Variants in BABAM2 observed in about 807,000 individuals in gnomAD.
The protein encoded by BABAM2 is BRISC and BRCA1 A complex member 2, also known as BRISC and BRCA1-A complex member 2.
Under a neutral mutation model 54.7 loss-of-function variants are expected in BABAM2, and 31 were observed. The ratio of observed to expected loss-of-function variants is 0.57; its 90% CI spans 0.43 to 0.77. BABAM2 has a LOEUF of 0.77. Among genes scored for constraint, BABAM2 ranks in the 30% least tolerant of loss-of-function variants. The pLI is 0.00. For missense variants in BABAM2, 364 were observed against 455.8 expected, an observed-to-expected ratio of 0.80 and a Z score of 1.83; for synonymous variants, 167 against 162.9, an observed-to-expected ratio of 1.03 and a Z score of -0.19.
intron 6 of BABAM2, among the ~76,000 whole-genome samples, chr2:28,066,629 T>A (rs138436334): frequency 1.5e-3 from 236 of 152,312 alleles, no homozygotes; most frequent in African/African-American, 5.3e-3. Context: ...GGCTGGAGGA[T>A]GCACTTCCAA....
intron 7 of BABAM2, among the ~76,000 whole-genome samples, chr2:28,224,851 CAAAAAAA>C (rs754146418): frequency 7.3e-4 from 61 of 83,920 alleles, no homozygotes; most frequent in South Asian, 1.9e-3. Context: ...GGTAAATTGA[CAAAAAAA>C]AAAAAAAAAA....
chr2:28,058,484 G>A (rs1678605070), intron 6 of BABAM2, among the ~76,000 whole-genome samples: 1 of 151,810 alleles, frequency 6.6e-6, no homozygotes, highest in Non-Finnish European at 1.5e-5. Flanking sequence ...AGGGCTCAAG[G>A]TGATAGAAAA....
chr2:28,175,013 T>C (rs1674766240), intron 7 of BABAM2, among the ~76,000 whole-genome samples: 1 of 152,018 alleles, frequency 6.6e-6, no homozygotes, highest in Non-Finnish European at 1.5e-5. Context: ...AATGCATGCT[T>C]CCCAGAGCCC....
At chr2:27,903,889 T>G (rs1024400438) in intron 2 of BABAM2, among the ~76,000 whole-genome samples, 2 of 152,166 alleles carry the variant, frequency 1.3e-5, no homozygotes, top group Non-Finnish European at 2.9e-5. Flanking sequence ...GTCAAGAACA[T>G]TTACCTTTTT....
At chr2:28,168,472 T>C (rs1308153949) in intron 7 of BABAM2, among the ~76,000 whole-genome samples, 1 of 152,184 alleles carries the variant, frequency 6.6e-6, no homozygotes, top group African/African-American at 2.4e-5. Flanking sequence ...ATCTGCTTTG[T>C]ATGGGCTGTG....
chr2:28,249,956 A>G (rs912935233), intron 10 of BABAM2, among the ~76,000 whole-genome samples: 2 of 152,214 alleles, frequency 1.3e-5, no homozygotes, highest in Admixed American at 6.5e-5. Flanking sequence ...AATGAAGTCT[A>G]ATGAGAAAAA....
At chr2:28,274,742 T>G (rs933408069) in intron 10 of BABAM2, among the ~76,000 whole-genome samples, 1 of 152,244 alleles carries the variant, frequency 6.6e-6, no homozygotes, top group African/African-American at 2.4e-5. Context: ...ATGGGAGAGC[T>G]GAGTGGTCAG....
intron 7 of BABAM2, among the ~76,000 whole-genome samples, chr2:28,161,494 C>T (rs1016417796): frequency 3.3e-5 from 5 of 152,146 alleles, no homozygotes; most frequent in Non-Finnish European, 7.3e-5. Context: ...TTTTCAGAGT[C>T]TCTGGTTTGG....
intron 3 of BABAM2, among the ~76,000 whole-genome samples, chr2:27,981,787 T>C (rs1406143465): frequency 1.3e-5 from 2 of 152,188 alleles, no homozygotes; most frequent in African/African-American, 4.8e-5. Context: ...TTTCCACTTT[T>C]TGGCGATTGT....
intron 3 of BABAM2, among the ~76,000 whole-genome samples, chr2:27,982,858 C>T (rs1183801704): frequency 4.6e-5 from 7 of 151,450 alleles, no homozygotes; most frequent in Admixed American, 1.3e-4. Context: ...CACACACACA[C>T]ACACACACAC....
chr2:27,890,593 T>A (rs571058235), upstream of BABAM2: 2 of 475,852 alleles, frequency 4.2e-6, no homozygotes, highest in Non-Finnish European at 3.8e-6. This position sits in a 1 kb window ranked among gnomAD's most constrained non-coding sequence, Gnocchi z 4.8. Context: ...TCCTCGTCAC[T>A]CACGGGGCAG....
intron 5 of BABAM2, among the ~76,000 whole-genome samples, chr2:28,029,649 C>T (rs1676154666): frequency 6.6e-6 from 1 of 152,126 alleles, no homozygotes; most frequent in African/African-American, 2.4e-5. Flanking sequence ...GTGAATCATG[C>T]TACATTGAAC....
rs983194600 is a variant in BABAM2 at position 28,011,264 on chromosome 2, G to A, written c.301-13962G>A. Reference sequence around the variant, plus strand: ...AGAGGTAGAGTTTTTAGGGAGAAGAGTAAAGACATTGAAAGCTCTTTAGTA... The same window carrying A: ...AGAGGTAGAGTTTTTAGGGAGAAGAATAAAGACATTGAAAGCTCTTTAGTA... On this transcript the variant is annotated intron_variant, in intron 4 of 11. Coordinates refer to ENST00000379624, the MANE Select transcript of BABAM2 (RefSeq NM_199191.3). Among the ~76,000 whole-genome samples the A allele has an allele frequency of 5.9e-5, 9 of 152,208 alleles. No homozygotes were observed. The East Asian group carries it at 1.7e-3, about 29-fold the overall frequency.
At chr2:28,062,155 G>T (rs1009043109) in intron 6 of BABAM2, among the ~76,000 whole-genome samples, 12 of 152,028 alleles carry the variant, frequency 7.9e-5, no homozygotes, top group Non-Finnish European at 1.3e-4. Flanking sequence ...CTACTTGGCA[G>T]GCTGAGGCAG....
intron 5 of BABAM2, among the ~76,000 whole-genome samples, chr2:28,041,311 T>G (rs2148601805): frequency 6.6e-6 from 1 of 152,316 alleles, no homozygotes; most frequent in African/African-American, 2.4e-5. Flanking sequence ...GTTATTTATT[T>G]ATTGGTAGGT....
Position 28,203,770 on chromosome 2 carries a change from T to TG in BABAM2, c.681-33428dup, listed in dbSNP as rs1355459662. On this transcript the variant is annotated intron_variant, in intron 7 of 11. Transcript: ENST00000379624. ...TAGGTTGTTGAACCTGATTGCCATG[T>TG]GGGGTTCCATAGCAGGCATCCACCA... is the stretch of plus-strand genomic sequence containing the variant. Among the ~76,000 whole-genome samples the TG allele has an allele frequency of 2.0e-5, 3 of 152,318 alleles. No individual in the cohort carries two copies. In the East Asian group the frequency reaches 5.8e-4, roughly 29 times the overall value.
At chr2:28,316,000 A>T (rs1689522150) in intron 11 of BABAM2, among the ~76,000 whole-genome samples, 1 of 152,150 alleles carries the variant, frequency 6.6e-6, no homozygotes, top group South Asian at 2.1e-4. Flanking sequence ...GGGCTTTTAG[A>T]GACCCCACTC....
At chr2:28,242,364 CCTT>C (rs1387781678) in intron 9 of BABAM2, among the ~76,000 whole-genome samples, 2 of 152,222 alleles carry the variant, frequency 1.3e-5, no homozygotes, top group African/African-American at 2.4e-5. Flanking sequence ...TTTGCCCTTT[CCTT>C]CTGGCTGCCT....
intron 3 of BABAM2, among the ~76,000 whole-genome samples, chr2:27,942,168 C>T (rs1434116304): frequency 6.6e-6 from 1 of 152,134 alleles, no homozygotes; most frequent in Admixed American, 6.5e-5. Context: ...AATGCAGAGA[C>T]ACTGTGGGGC....
Sources: gnomAD v4.1 joint callset for allele counts (sites outside exome capture counted in the v4.1 genomes callset) on GRCh38, gnomAD v4.1.1 for gene constraint, Gnocchi (gnomAD v3.1) non-coding constraint, MANE v1.5 for transcripts, NCBI Gene and HGNC (gene_info 2026-07-23, HGNC 2026-07-21) for gene names.